Variants in MFAP1 observed in about 807,000 individuals in gnomAD.
MFAP1 encodes microfibrillar-associated protein 1.
In MFAP1, 18 loss-of-function variants were observed where a neutral mutation model predicts 62.2. That is an observed-to-expected ratio of 0.29 (90% CI 0.20 to 0.43). The LOEUF (loss-of-function observed/expected upper bound fraction) is 0.43, where lower values mean the gene tolerates loss of function less well. MFAP1 is among the 20% of genes least tolerant of loss of function. MFAP1 has a pLI of 1.00. For synonymous variants in MFAP1, 175 were observed against 180.4 expected, an observed-to-expected ratio of 0.97 and a Z score of 0.24; for missense variants, 355 against 559.7, an observed-to-expected ratio of 0.63 and a Z score of 3.69.
Position 43,816,206 on chromosome 15 carries a change from C to T in MFAP1, c.299+1023G>A, listed in dbSNP as rs577396490. Among the ~76,000 whole-genome samples the T allele has an allele frequency of 9.9e-5, 15 of 151,682 alleles. No individual in the cohort carries two copies. The East Asian group carries it at 2.5e-3, about 25-fold the overall frequency. The stretch of plus-strand genomic sequence containing the variant: ...GTGAGAATGAATAAAAGTGTTTTTT[C>T]CCCCCTGGGCACTGTAATTTTATTT... On this transcript the variant is annotated intron_variant, in intron 2 of 8. Transcript: ENST00000267812.
At position 43,818,147 on chromosome 15, in the gene MFAP1, G is replaced by A. The variant is rs367672403; in HGVS notation, c.80-699C>T. On this transcript the variant is annotated intron_variant, in intron 1 of 8. Coordinates refer to ENST00000267812, the MANE Select transcript of MFAP1 (RefSeq NM_005926.3). ...TGATTCTTCTGCCTCAGCTTCCTGA[G>A]TAGCTGGGACTACAGACGCATGCCA... 2.0e-5 allele frequency among the ~76,000 whole-genome samples: 3 copies of A among 151,856 alleles called. No homozygotes were observed. In the East Asian group the frequency reaches 5.8e-4, roughly 29 times the overall value.
chr15:43,822,614 T>C (rs1228174140), intron 1 of MFAP1, among the ~76,000 whole-genome samples: 8 of 152,108 alleles, frequency 5.3e-5, no homozygotes, highest in Admixed American at 4.6e-4. Context: ...CCTCAGGTGA[T>C]CCACCCATCT....
At chr15:43,820,248 C>T (rs1364732145) in intron 1 of MFAP1, among the ~76,000 whole-genome samples, 4 of 151,920 alleles carry the variant, frequency 2.6e-5, no homozygotes, top group Non-Finnish European at 5.9e-5. Flanking sequence ...AACCCAGGGG[C>T]GGAGCTTGCA....
intron 4 of MFAP1, among the ~76,000 whole-genome samples, chr15:43,814,204 C>G (rs925056219): frequency 3.9e-5 from 6 of 152,170 alleles, no homozygotes; most frequent in African/African-American, 1.4e-4. Flanking sequence ...GAGCCGAGAT[C>G]ATGCCATTGC....
intron 1 of MFAP1, among the ~76,000 whole-genome samples, chr15:43,819,020 C>T (rs890192968): frequency 6.6e-6 from 1 of 152,120 alleles, no homozygotes; most frequent in Admixed American, 6.6e-5. Flanking sequence ...GGCAAAACTC[C>T]GTCTCTACTA....
chr15:43,810,064 T>C, intron 6 of MFAP1, 150 bp from the exon 7 acceptor site: 1 of 889,244 alleles, frequency 1.1e-6, no homozygotes, highest in Non-Finnish European at 1.7e-6. Context: ...AGGAGCTCAA[T>C]AAACAAATGG....
chr15:43,820,818 T>C (rs28590651), intron 1 of MFAP1, among the ~76,000 whole-genome samples: 27,836 of 152,056 alleles, frequency 0.18, 3,752 homozygotes, highest in African/African-American at 0.37. Context: ...ATGCTGCCCA[T>C]GCTGGTCTTG....
intron 2 of MFAP1, among the ~76,000 whole-genome samples, chr15:43,816,067 T>C (rs1254071690): frequency 2.0e-5 from 3 of 151,968 alleles, no homozygotes; most frequent in Non-Finnish European, 4.4e-5. Context: ...AAAGAAAGTA[T>C]AGTATGAAAA....
intron 6 of MFAP1, 83 bp downstream of exon 6, chr15:43,812,904 C>T (rs774632995): frequency 2.7e-6 from 4 of 1,467,746 alleles, no homozygotes; most frequent in African/African-American, 1.4e-5. Context: ...ATGGAACTCA[C>T]AGTAGGTAAT....
chr15:43,817,742 G>A (rs2087442949), intron 1 of MFAP1, among the ~76,000 whole-genome samples: 1 of 152,132 alleles, frequency 6.6e-6, no homozygotes, highest in East Asian at 1.9e-4. Context: ...CCCCAAAAAG[G>A]CAGACTGCAT....
intron 1 of MFAP1, among the ~76,000 whole-genome samples, chr15:43,818,058 C>T (rs1003709579): frequency 4.9e-5 from 7 of 142,930 alleles, no homozygotes; most frequent in East Asian, 2.0e-4. Context: ...CTCGCTCTGT[C>T]GCCCAGGCTG....
intron 1 of MFAP1, 46 bp downstream of exon 1, chr15:43,824,445 C>A (rs2087486467): frequency 6.2e-7 from 1 of 1,601,600 alleles, no homozygotes; most frequent in Non-Finnish European, 8.5e-7. Flanking sequence ...TTGCTGGGGC[C>A]GGAAGGGGTT....
intron 2 of MFAP1, among the ~76,000 whole-genome samples, chr15:43,816,204 T>C (rs1462546528): frequency 6.6e-6 from 1 of 152,076 alleles, no homozygotes; most frequent in Non-Finnish European, 1.5e-5. Flanking sequence ...AAAGTGTTTT[T>C]TCCCCCCTGG....
chr15:43,819,883 C>T (rs2087457000), intron 1 of MFAP1, among the ~76,000 whole-genome samples: 1 of 152,226 alleles, frequency 6.6e-6, no homozygotes, highest in African/African-American at 2.4e-5. Context: ...TGTGGTGGCT[C>T]ACGCCTGTAA....
chr15:43,820,112 A>C (rs2087458529), intron 1 of MFAP1, among the ~76,000 whole-genome samples: 1 of 152,054 alleles, frequency 6.6e-6, no homozygotes, highest in Non-Finnish European at 1.5e-5. Context: ...GCACCACTGC[A>C]CTCCAGCTTG....
rs2087350517 is a variant in MFAP1, at chr15:43,804,688, A to C, written c.*406T>G. On this transcript the variant is annotated 3_prime_UTR_variant, in exon 9 of 9. Coordinates refer to ENST00000267812, the MANE Select transcript of MFAP1 (RefSeq NM_005926.3). Reference sequence around the variant, plus strand: ...CAAAAATGGAAAACATGTTTCCATGAGCTTAGATTTCCGGGTATATTACTC... The same window carrying C: ...CAAAAATGGAAAACATGTTTCCATGCGCTTAGATTTCCGGGTATATTACTC... 6.3e-6 allele frequency: 1 copy of C among 158,562 alleles called. No individual in the cohort carries two copies. The highest frequency in any genetic ancestry group is 6.5e-5 in the Admixed American group (1 of 15,440). The allele number at this position is 158,562 out of a possible 1,614,324, so 9.8% of individuals were successfully genotyped here.
At chr15:43,822,810 C>T (rs1470375671) in intron 1 of MFAP1, among the ~76,000 whole-genome samples, 1 of 152,018 alleles carries the variant, frequency 6.6e-6, no homozygotes, top group African/African-American at 2.4e-5. Context: ...AGGAGCACAT[C>T]ACTACATCCC....
rs182953913 is a variant in MFAP1 at position 43,811,571 on chromosome 15, G to A, written c.887+1416C>T. Among the ~76,000 whole-genome samples, 869 of 149,048 alleles carry A rather than the reference G, an allele frequency of 5.8e-3. 13 individuals carry two copies. Among genetic ancestry groups the A allele is most frequent in the African/African-American group, 0.02 (811 of 40,512 alleles). ...CACCTAGGCTGGAGTGCAGTGGCAC[G>A]ATCTCAGCTCACCGCAACCTCTGCC... On this transcript the variant is annotated intron_variant, in intron 6 of 8. Transcript: ENST00000267812.
At chr15:43,821,909 T>C (rs1421226277) in intron 1 of MFAP1, among the ~76,000 whole-genome samples, 1 of 151,752 alleles carries the variant, frequency 6.6e-6, no homozygotes, top group East Asian at 1.9e-4. Flanking sequence ...CAAGATAAAG[T>C]TGATAAATCT....
Sources: gnomAD v4.1 joint callset for allele counts (sites outside exome capture counted in the v4.1 genomes callset) on GRCh38, gnomAD v4.1.1 for gene constraint, MANE v1.5 for transcripts, NCBI Gene and HGNC (gene_info 2026-07-23, HGNC 2026-07-21) for gene names.